Variants in PCSK5 observed in about 807,000 individuals in gnomAD.
The protein encoded by PCSK5 is proprotein convertase subtilisin/kexin type 5.
PCSK5 carries 129 observed loss-of-function variants against 233.2 expected under a neutral mutation model. The observed-to-expected ratio is 0.55, with a 90% confidence interval of 0.48 to 0.64. The LOEUF (loss-of-function observed/expected upper bound fraction) is 0.64. Among genes scored for constraint, PCSK5 ranks in the 30% least tolerant of loss-of-function variants. PCSK5 has a pLI of 0.00. For synonymous variants in PCSK5, 825 were observed against 879.2 expected (o/e 0.94, Z 1.09); for missense variants, 2,076 against 2,430.1 (o/e 0.85, Z 3.06).
Position 76,181,467 on chromosome 9 carries a change from C to A in PCSK5, c.2073C>A (p.Pro691=), listed in dbSNP as rs1183842557. The change falls in exon 16 of 38, where the codon CCC becomes CCA. Residue 691 remains proline, a synonymous_variant. Coordinates refer to ENST00000674117, the MANE Select transcript of PCSK5 (RefSeq NM_001372043.1). ...ADKKRCRKCA[P]NCESCFGSHG... is the part of the protein sequence containing the mutation. ...AGAAGCGCTGCAGGAAGTGTGCCCC[C>A]AACTGTGAGTCCTGCTTTGGGAGCC... The A allele has an allele frequency of 1.5e-5, 25 of 1,614,064 alleles. No homozygotes were observed. The East Asian group carries it at 5.6e-4, about 36-fold the overall frequency.
chr9:76,026,775 T>G (rs922074211), intron 4 of PCSK5, among the ~76,000 whole-genome samples, 186 bp from the exon 5 acceptor site: 38 of 152,276 alleles, frequency 2.5e-4, no homozygotes, highest in African/African-American at 7.9e-4. Flanking sequence ...AATATGGCAC[T>G]AATTATCACT....
intron 10 of PCSK5, among the ~76,000 whole-genome samples, chr9:76,148,885 G>T (rs759121098): frequency 7.9e-5 from 12 of 152,086 alleles, no homozygotes; most frequent in Non-Finnish European, 1.6e-4. Flanking sequence ...CTTGATCGTT[G>T]GCCCTCATTG....
intron 2 of PCSK5, among the ~76,000 whole-genome samples, chr9:75,983,513 C>CT (rs1359455453): frequency 6.6e-6 from 1 of 152,166 alleles, no homozygotes; most frequent in East Asian, 1.9e-4. Flanking sequence ...AGAGAGTACT[C>CT]TGAGTAGAGG....
intron 24 of PCSK5, among the ~76,000 whole-genome samples, chr9:76,274,094 C>T (rs1021835669): frequency 1.2e-4 from 18 of 152,070 alleles, no homozygotes; most frequent in Admixed American, 4.6e-4. Flanking sequence ...TTAACCTCCA[C>T]GTTTCTTAAC....
At chr9:76,145,761 G>A (rs1490002410) in intron 10 of PCSK5, among the ~76,000 whole-genome samples, 8 of 152,172 alleles carry the variant, frequency 5.3e-5, no homozygotes, top group Non-Finnish European at 4.4e-5. Flanking sequence ...ATGAAAGGGG[G>A]CTTATGATTA....
At chr9:76,016,140 A>G (rs1827938646) in intron 3 of PCSK5, among the ~76,000 whole-genome samples, 1 of 152,242 alleles carries the variant, frequency 6.6e-6, no homozygotes, top group African/African-American at 2.4e-5. Context: ...CAGTATCCTG[A>G]CAAACTGTGT....
chr9:76,000,435 A>G (rs2131425880), intron 3 of PCSK5, among the ~76,000 whole-genome samples: 1 of 152,298 alleles, frequency 6.6e-6, no homozygotes, highest in Non-Finnish European at 1.5e-5. Context: ...AGCAGCTGCC[A>G]TCACCTAGAT....
chr9:76,241,588 T>C (rs1479150382), intron 24 of PCSK5, among the ~76,000 whole-genome samples: 2 of 152,216 alleles, frequency 1.3e-5, no homozygotes, highest in Non-Finnish European at 2.9e-5. Context: ...ACTCTTTAAT[T>C]CAAGTCAGTG....
At chr9:76,105,493 G>A (rs1934128) in intron 8 of PCSK5, among the ~76,000 whole-genome samples, 102,619 of 152,128 alleles carry the variant, frequency 0.67, 34,785 homozygotes, top group African/African-American at 0.73. Flanking sequence ...TGTACTGTAC[G>A]CATAAAAATT....
At chr9:75,957,196 A>G (rs904531298) in intron 2 of PCSK5, among the ~76,000 whole-genome samples, 2 of 152,078 alleles carry the variant, frequency 1.3e-5, no homozygotes, top group South Asian at 4.1e-4. Flanking sequence ...CCACCTTTTC[A>G]GTATTGCGTC....
intron 3 of PCSK5, among the ~76,000 whole-genome samples, chr9:76,001,526 T>C (rs1465655200): frequency 6.7e-6 from 1 of 149,122 alleles, no homozygotes; most frequent in Non-Finnish European, 1.5e-5. Flanking sequence ...TCTACTGTCG[T>C]TGGAAGGTTA....
At chr9:75,893,783 G>A (rs1825704734) in intron 1 of PCSK5, among the ~76,000 whole-genome samples, 1 of 152,100 alleles carries the variant, frequency 6.6e-6, no homozygotes, top group Non-Finnish European at 1.5e-5. Context: ...CGCCAATGAG[G>A]AAATTTAGTG....
chr9:75,903,597 ATTATAT>A (rs1564071280), intron 1 of PCSK5, among the ~76,000 whole-genome samples: 124 of 140,614 alleles, frequency 8.8e-4, no homozygotes, highest in African/African-American at 3.2e-3. Context: ...TAAAATATAT[ATTATAT>A]ATATATATTA....
chr9:76,239,953 A>AG (rs1826379959), intron 23 of PCSK5, among the ~76,000 whole-genome samples: 2 of 152,188 alleles, frequency 1.3e-5, no homozygotes, highest in African/African-American at 4.8e-5. Flanking sequence ...GAAGCCAGTG[A>AG]GGACCAGCCT....
intron 14 of PCSK5, 200 bp downstream of exon 14, chr9:76,175,329 A>C: frequency 1.7e-6 from 1 of 588,288 alleles, no homozygotes; most frequent in Non-Finnish European, 3.0e-6. Context: ...ACAGAATAGA[A>C]TAGAACAGAA....
intron 10 of PCSK5, among the ~76,000 whole-genome samples, chr9:76,134,908 A>G (rs1426339574): frequency 6.6e-6 from 1 of 152,080 alleles, no homozygotes; most frequent in Non-Finnish European, 1.5e-5. Flanking sequence ...CATATATCCT[A>G]AAGTTTAGTA....
chr9:76,167,924 AGAGATATT>A (rs1823154627), intron 12 of PCSK5, among the ~76,000 whole-genome samples: 2 of 152,210 alleles, frequency 1.3e-5, no homozygotes, highest in Non-Finnish European at 2.9e-5. Flanking sequence ...AGAAAATTTT[AGAGATATT>A]TTTCCTCTCT....
intron 3 of PCSK5, among the ~76,000 whole-genome samples, chr9:76,007,051 CT>C (rs2131443235): frequency 6.6e-6 from 1 of 152,212 alleles, no homozygotes; most frequent in East Asian, 1.9e-4. Flanking sequence ...ATATTTATGC[CT>C]TTCTTCAATG....
chr9:76,104,191 G>A (rs1831883321), intron 8 of PCSK5, among the ~76,000 whole-genome samples: 1 of 152,098 alleles, frequency 6.6e-6, no homozygotes, highest in Non-Finnish European at 1.5e-5. Flanking sequence ...TCTTAATGAC[G>A]AAAACCCTGC....
Sources: allele counts gnomAD v4.1 joint callset (sites outside exome capture counted in the v4.1 genomes callset), GRCh38; gene constraint gnomAD v4.1.1; transcripts MANE v1.5; gene names NCBI Gene and HGNC (gene_info 2026-07-23, HGNC 2026-07-21).